Variants in ATXN1 observed in about 807,000 individuals in gnomAD.
The protein encoded by ATXN1 is ataxin-1.
ATXN1 carries 8 observed loss-of-function variants against 56.4 expected under a neutral mutation model. The ratio of observed to expected loss-of-function variants is 0.14; its 90% CI spans 0.08 to 0.26. The LOEUF is 0.26. Ranked by LOEUF, ATXN1 falls within the 10% of genes least tolerant of loss-of-function variation. The probability of loss-of-function intolerance (pLI) is 1.00; values close to 1 mark genes in which losing one functional copy is unlikely to be tolerated. For synonymous variants in ATXN1, 514 were observed against 494.6 expected, an observed-to-expected ratio of 1.04 and a Z score of -0.52; for missense variants, 987 against 1,106.5, an observed-to-expected ratio of 0.89 and a Z score of 1.53.
chr6:16,695,413 G>T (rs1051568960), intron 2 of ATXN1, among the ~76,000 whole-genome samples: 3 of 152,128 alleles, frequency 2.0e-5, no homozygotes, highest in Admixed American at 6.5e-5. Context: ...TAGCAGAGCT[G>T]GCAAACCTGT....
chr6:16,588,395 C>A (rs952530468), intron 3 of ATXN1, among the ~76,000 whole-genome samples: 4 of 152,216 alleles, frequency 2.6e-5, no homozygotes, highest in Non-Finnish European at 5.9e-5. Context: ...ACCTTGCTTT[C>A]CCAGGCCTTA....
chr6:16,496,778 A>G (rs1262989910), intron 5 of ATXN1, among the ~76,000 whole-genome samples: 1 of 152,080 alleles, frequency 6.6e-6, no homozygotes, highest in African/African-American at 2.4e-5. Flanking sequence ...CTTTAAGACT[A>G]AATATTTAAA....
chr6:16,552,056 G>A (rs1176964264), intron 4 of ATXN1, among the ~76,000 whole-genome samples: 3 of 152,168 alleles, frequency 2.0e-5, no homozygotes, highest in Admixed American at 2.0e-4. Context: ...TATGTGTCGT[G>A]GGAGGACACA....
chr6:16,761,189 T>C, intron 1 of ATXN1, 109 bp downstream of exon 1: 2 of 369,722 alleles, frequency 5.4e-6, no homozygotes, highest in Admixed American at 6.8e-5. Flanking sequence ...GTTGTTGCTT[T>C]TGCCCCTCTC....
At chr6:16,504,874 G>A (rs1760952379) in intron 5 of ATXN1, among the ~76,000 whole-genome samples, 3 of 152,152 alleles carry the variant, frequency 2.0e-5, no homozygotes, top group African/African-American at 7.2e-5. Context: ...CGAGGCTCAG[G>A]AGTCCTCCTG....
chr6:16,719,710 C>T (rs1032432644), intron 2 of ATXN1, among the ~76,000 whole-genome samples: 7 of 152,134 alleles, frequency 4.6e-5, no homozygotes, highest in Admixed American at 1.3e-4. Flanking sequence ...CGGGTGGGTC[C>T]TAAATCCAAT....
At chr6:16,573,942 C>A (rs1762376482) in intron 4 of ATXN1, among the ~76,000 whole-genome samples, 1 of 152,328 alleles carries the variant, frequency 6.6e-6, no homozygotes, top group South Asian at 2.1e-4. Flanking sequence ...CACTGGCACC[C>A]CATTACAAAT....
At chr6:16,557,625 T>C (rs1246592636) in intron 4 of ATXN1, among the ~76,000 whole-genome samples, 1 of 152,170 alleles carries the variant, frequency 6.6e-6, no homozygotes, top group Non-Finnish European at 1.5e-5. Context: ...TATAAAGCCT[T>C]AGAAAGTAAA....
intron 3 of ATXN1, among the ~76,000 whole-genome samples, chr6:16,650,994 A>G (rs1198607280): frequency 6.6e-6 from 1 of 152,228 alleles, no homozygotes; most frequent in African/African-American, 2.4e-5. Context: ...TTTTTCTTTT[A>G]ACACATTAGA....
At chr6:16,444,643 A>G (rs1036680380) in intron 6 of ATXN1, among the ~76,000 whole-genome samples, 1 of 152,172 alleles carries the variant, frequency 6.6e-6, no homozygotes, top group African/African-American at 2.4e-5. Context: ...TTCCTACAAA[A>G]CCTGAAGCAC....
intron 6 of ATXN1, among the ~76,000 whole-genome samples, chr6:16,379,707 C>T (rs754114138): frequency 1.3e-5 from 2 of 152,130 alleles, no homozygotes; most frequent in South Asian, 2.1e-4. Flanking sequence ...GAACCAGGCA[C>T]GTGTAGAGGT....
chr6:16,417,441 A>ATTTTTTTTTTTTTTT (rs1188606545), intron 6 of ATXN1, among the ~76,000 whole-genome samples: 7 of 136,508 alleles, frequency 5.1e-5, no homozygotes, highest in South Asian at 2.7e-4. Flanking sequence ...CAAGTTTCTT[A>ATTTTTTTTTTTTTTT]TTTTTTTTTT....
intron 6 of ATXN1, among the ~76,000 whole-genome samples, chr6:16,427,832 G>A (rs992552385): frequency 1.3e-5 from 2 of 152,170 alleles, no homozygotes; most frequent in African/African-American, 2.4e-5. Flanking sequence ...AAAGATGATT[G>A]AAAATGTATT....
At position 16,426,875 on chromosome 6, in the gene ATXN1, G is replaced by GAA. The variant is rs147467180; in HGVS notation, c.-161+59095_-161+59096dup. Among the ~76,000 whole-genome samples the GAA allele has an allele frequency of 9.9e-4, 133 of 134,744 alleles. 1 individual carries two copies. In the South Asian group the frequency reaches 0.023, roughly 23 times the overall value. The allele number at this position is 134,744 out of a possible 152,430, so 88.4% of individuals were successfully genotyped here. Reference sequence around the variant, plus strand: ...TATAAGATCCAAAAACTGGGGGAAAGAAAAAAAAAAAAAGACCAAGTAGAG... The same window carrying GAA: ...TATAAGATCCAAAAACTGGGGGAAAGAAAAAAAAAAAAAAAGACCAAGTAGAG... On this transcript the variant is annotated intron_variant, in intron 6 of 7. Coordinates refer to ENST00000436367, the MANE Select transcript of ATXN1 (RefSeq NM_001128164.2).
At chr6:16,334,401 T>C (rs1044764315) in intron 6 of ATXN1, among the ~76,000 whole-genome samples, 1 of 152,128 alleles carries the variant, frequency 6.6e-6, no homozygotes, top group African/African-American at 2.4e-5. Context: ...AACCATTTGG[T>C]AGGGTTCTTA....
chr6:16,457,141 T>A (rs371336519), intron 6 of ATXN1, among the ~76,000 whole-genome samples: 1 of 152,118 alleles, frequency 6.6e-6, no homozygotes, highest in Non-Finnish European at 1.5e-5. Flanking sequence ...TCTAACAGGT[T>A]TTCAAGAATG....
chr6:16,615,371 G>A (rs1763189296), intron 3 of ATXN1: 1 of 151,090 alleles, frequency 6.6e-6, no homozygotes, highest in Admixed American at 6.6e-5. Context: ...ACTATCAGAG[G>A]CTTCTGGAAA....
rs150379076 is a variant in ATXN1, at chr6:16,707,916, A to G, written c.-615+45317T>C. 2.4e-3 allele frequency among the ~76,000 whole-genome samples: 361 copies of G among 152,356 alleles called. 1 individual carries two copies. Among genetic ancestry groups the G allele is most frequent in the Middle Eastern group, 0.014 (4 of 294 alleles). On this transcript the variant is annotated intron_variant, in intron 2 of 7. Coordinates refer to ENST00000436367, the MANE Select transcript of ATXN1 (RefSeq NM_001128164.2). The stretch of plus-strand genomic sequence containing the variant: ...AAGGAAGAAAGCAAAACAAAACAAA[A>G]CAAAAAGTAAAGCCAAGTAGAAAAC...
chr6:16,327,860 T>C lies in ATXN1; in HGVS notation c.451A>G (p.Thr151Ala), dbSNP rs1337103968. 3 of 1,606,930 alleles carry C rather than the reference T, an allele frequency of 1.9e-6. No homozygotes were observed. Among genetic ancestry groups the C allele is most frequent in the Admixed American group, 1.7e-5 (1 of 59,994 alleles). ...SFIPSQLIPP[T>A]ANPVTSAVAS... ...ACTGCACTGGTGACGGGGTTGGCGG[T>C]TGGGGGGATCAGCTGTGATGGGATG... The change falls in exon 7 of 8, where the codon ACC becomes GCC. Residue 151 changes from threonine (T) to alanine (A), a missense_variant. By Grantham distance (58) the Thr-to-Ala change is moderately conservative. Coordinates refer to ENST00000436367, the MANE Select transcript of ATXN1 (RefSeq NM_001128164.2).
Sources: allele counts gnomAD v4.1 joint callset (sites outside exome capture counted in the v4.1 genomes callset), GRCh38; gene constraint gnomAD v4.1.1; transcripts MANE v1.5; gene names NCBI Gene and HGNC (gene_info 2026-07-23, HGNC 2026-07-21).